Variants in ZNF407 observed in about 807,000 individuals in gnomAD.
The protein encoded by ZNF407 is zinc finger protein 407.
Under a neutral mutation model 131.2 loss-of-function variants are expected in ZNF407, and 17 were observed. The observed-to-expected ratio is 0.13, with a 90% CI of 0.09 to 0.19. ZNF407 has a LOEUF of 0.19. Ranked by LOEUF, ZNF407 falls within the 10% of genes least tolerant of loss-of-function variation. ZNF407 has a pLI of 1.00. For synonymous variants in ZNF407, 1,156 were observed against 1,062.0 expected, an observed-to-expected ratio of 1.09 and a Z score of -1.72; for missense variants, 2,681 against 2,830.6, an observed-to-expected ratio of 0.95 and a Z score of 1.20.
chr18:74,786,809 T>TGGAGA (rs1969725751), intron 4 of ZNF407, among the ~76,000 whole-genome samples: 1 of 137,006 alleles, frequency 7.3e-6, no homozygotes, highest in African/African-American at 2.7e-5. Context: ...TTTTTTTTTT[T>TGGAGA]TTTTTTTTTT....
chr18:74,994,157 A>G (rs1236134561), intron 8 of ZNF407, among the ~76,000 whole-genome samples: 1 of 152,194 alleles, frequency 6.6e-6, no homozygotes, highest in Non-Finnish European at 1.5e-5. Context: ...TGGCTGTGTA[A>G]GAGAAGGTCC....
intron 8 of ZNF407, among the ~76,000 whole-genome samples, chr18:74,941,337 G>T (rs1360758229): frequency 6.6e-6 from 1 of 152,128 alleles, no homozygotes. Context: ...GTGCTCTCTG[G>T]CCTCTTGCTC....
chr18:74,697,852 G>C (rs1220397920), intron 3 of ZNF407, among the ~76,000 whole-genome samples: 3 of 152,146 alleles, frequency 2.0e-5, no homozygotes, highest in Non-Finnish European at 4.4e-5. Flanking sequence ...AGTGCATGCT[G>C]TTTTGAAACA....
At chr18:74,711,052 GTCCATTCTCCATGGATGCTA>G (rs879696620) in intron 3 of ZNF407, among the ~76,000 whole-genome samples, 459 of 150,916 alleles carry the variant, frequency 3.0e-3, no homozygotes, top group Non-Finnish European at 4.6e-3. Context: ...AATTCACTCT[GTCCATTCTCCATGGATGCTA>G]TTATCAATTC....
intron 8 of ZNF407, among the ~76,000 whole-genome samples, chr18:74,930,436 C>G (rs1031136643): frequency 6.6e-6 from 1 of 152,126 alleles, no homozygotes; most frequent in African/African-American, 2.4e-5. Context: ...CCTTTCAGAC[C>G]ACGAAAATAG....
Position 74,634,802 on chromosome 18 carries a change from A to G in ZNF407, c.3783A>G (p.Glu1261=), listed in dbSNP as rs371592779. ...CGCTCGATGGGGAGCGCTCGGCTGAAAGCCCTGTGCTCGTTGTGACAAGAA... is the reference window on the plus strand; with the variant it reads ...CGCTCGATGGGGAGCGCTCGGCTGAGAGCCCTGTGCTCGTTGTGACAAGAA... ...PVTLDGERSA[E]SPVLVVTRIT... is the part of the protein sequence containing the mutation. Residue 1261 remains glutamate (E), a synonymous_variant, in exon 2 of 9, where the codon GAA becomes GAG. Coordinates refer to ENST00000299687, the MANE Select transcript of ZNF407 (RefSeq NM_017757.3). 8.1e-6 allele frequency: 13 copies of G among 1,614,004 alleles called. No individual in the cohort carries two copies. The Admixed American group carries it at 1.0e-4, about 12-fold the overall frequency.
At chr18:75,015,407 C>T (rs1973030968) in intron 8 of ZNF407, among the ~76,000 whole-genome samples, 1 of 151,230 alleles carries the variant, frequency 6.6e-6, no homozygotes, top group South Asian at 2.1e-4. Flanking sequence ...AAGATCTCCA[C>T]TCTATGTATG....
chr18:74,962,625 C>G (rs1042300796), intron 8 of ZNF407, among the ~76,000 whole-genome samples: 1 of 152,232 alleles, frequency 6.6e-6, no homozygotes, highest in Admixed American at 6.5e-5. Flanking sequence ...ATGCCATGCC[C>G]AGTCCTCCAT....
intron 4 of ZNF407, among the ~76,000 whole-genome samples, chr18:74,829,026 G>A (rs1288304468): frequency 1.3e-5 from 2 of 152,196 alleles, no homozygotes; most frequent in Non-Finnish European, 2.9e-5. Context: ...CAGGGGGCCA[G>A]TGGGCAGCAA....
At chr18:74,978,850 AGT>A (rs945195413) in intron 8 of ZNF407, among the ~76,000 whole-genome samples, 1 of 152,140 alleles carries the variant, frequency 6.6e-6, no homozygotes, top group Admixed American at 6.5e-5. Flanking sequence ...CCCGGGATTG[AGT>A]ATATCATGTA....
chr18:75,020,161 A>T (rs1973090339), intron 8 of ZNF407, among the ~76,000 whole-genome samples: 1 of 152,184 alleles, frequency 6.6e-6, no homozygotes, highest in African/African-American at 2.4e-5. Flanking sequence ...GTTCTATTTT[A>T]TTAGTTATTG....
chr18:74,734,548 CTG>C (rs1227937163), intron 3 of ZNF407, among the ~76,000 whole-genome samples: 6 of 152,050 alleles, frequency 3.9e-5, no homozygotes, highest in African/African-American at 1.2e-4. Context: ...TAAAATGAGA[CTG>C]TAATGCCATT....
intron 3 of ZNF407, among the ~76,000 whole-genome samples, chr18:74,646,670 T>C (rs938574215): frequency 6.6e-6 from 1 of 152,242 alleles, no homozygotes; most frequent in Non-Finnish European, 1.5e-5. Flanking sequence ...TTTAAAACTG[T>C]ACAAATGACT....
At chr18:75,006,377 T>G (rs759819335) in intron 8 of ZNF407, among the ~76,000 whole-genome samples, 1 of 152,216 alleles carries the variant, frequency 6.6e-6, no homozygotes, top group Non-Finnish European at 1.5e-5. Flanking sequence ...ATCAGTTAAT[T>G]TCTTTTCTTA....
intron 3 of ZNF407, among the ~76,000 whole-genome samples, chr18:74,696,673 C>A (rs1967365224): frequency 6.6e-6 from 1 of 152,088 alleles, no homozygotes; most frequent in African/African-American, 2.4e-5. Context: ...AATACACATA[C>A]ACATGAATGT....
chr18:74,856,315 C>T (rs142211395), intron 4 of ZNF407, among the ~76,000 whole-genome samples: 17 of 152,324 alleles, frequency 1.1e-4, no homozygotes, highest in Non-Finnish European at 1.5e-4. Context: ...ATCTAAGGAG[C>T]TCGGCCCCAA....
intron 4 of ZNF407, among the ~76,000 whole-genome samples, chr18:74,837,891 C>T (rs1599187146): frequency 1.3e-5 from 2 of 152,150 alleles, no homozygotes; most frequent in East Asian, 3.9e-4. Flanking sequence ...TGAGCTCAAG[C>T]GACCTGCCCA....
intron 7 of ZNF407, among the ~76,000 whole-genome samples, chr18:74,903,686 T>G (rs963884305): frequency 2.0e-5 from 3 of 152,032 alleles, no homozygotes; most frequent in Admixed American, 2.0e-4. Flanking sequence ...CGATGAAGAG[T>G]TCGGGGGTCT....
intron 8 of ZNF407, among the ~76,000 whole-genome samples, chr18:74,942,874 A>G (rs1972115280): frequency 1.3e-5 from 2 of 151,926 alleles, no homozygotes; most frequent in African/African-American, 4.8e-5. Flanking sequence ...ATCATATTGC[A>G]ATATCCGTAT....
Sources: allele counts gnomAD v4.1 joint callset (sites outside exome capture counted in the v4.1 genomes callset), GRCh38; gene constraint gnomAD v4.1.1; transcripts MANE v1.5; gene names NCBI Gene and HGNC (gene_info 2026-07-23, HGNC 2026-07-21).